The following MAPK10 variants were observed in gnomAD, a reference collection of about 807,000 sequenced individuals.
MAPK10 encodes JNK3 alpha protein kinase.
In MAPK10, 25 loss-of-function variants were observed where a neutral mutation model predicts 59.3. That is an observed-to-expected ratio of 0.42 (90% CI 0.31 to 0.59). MAPK10 has a LOEUF of 0.59. Ranked by LOEUF, MAPK10 falls within the 20% of genes least tolerant of loss-of-function variation. The probability of loss-of-function intolerance (pLI) is 0.15; values close to 1 mark genes in which losing one functional copy is unlikely to be tolerated. For synonymous variants in MAPK10, 190 were observed against 200.5 expected, an observed-to-expected ratio of 0.95 and a Z score of 0.44; for missense variants, 351 against 568.9, an observed-to-expected ratio of 0.62 and a Z score of 3.90.
intron 2 of MAPK10, among the ~76,000 whole-genome samples, chr4:86,225,694 A>G (rs1346487225): frequency 1.3e-5 from 2 of 152,208 alleles, no homozygotes; most frequent in Non-Finnish European, 2.9e-5. Flanking sequence ...TATATCACTT[A>G]TTGCTATTTT....
intron 1 of MAPK10, among the ~76,000 whole-genome samples, chr4:86,590,851 A>C (rs947347027): frequency 2.0e-5 from 3 of 152,162 alleles, no homozygotes; most frequent in African/African-American, 4.8e-5. Context: ...TTAAAAGATA[A>C]TTATACATTC....
chr4:86,039,253 C>T (rs1313856008), intron 11 of MAPK10, among the ~76,000 whole-genome samples: 1 of 152,084 alleles, frequency 6.6e-6, no homozygotes, highest in African/African-American at 2.4e-5. Context: ...GGGTATAGCA[C>T]GGAAACAAGA....
At chr4:86,543,675 A>G in intron 1 of MAPK10, among the ~76,000 whole-genome samples, 1 of 152,238 alleles carries the variant, frequency 6.6e-6, no homozygotes, top group East Asian at 1.9e-4. Flanking sequence ...TGAATGCAGA[A>G]AAGATACAAT....
intron 13 of MAPK10, 60 bp downstream of exon 13, chr4:86,029,137 C>A (rs759898434): frequency 4.7e-5 from 55 of 1,158,542 alleles, no homozygotes; most frequent in Admixed American, 3.4e-4. Flanking sequence ...GCAACCCCTA[C>A]ACAAAGGCCA....
Position 86,110,076 on chromosome 4 carries a change from GT to G in MAPK10, c.237-2725del, listed in dbSNP as rs552646091. Among the ~76,000 whole-genome samples, 111 of 151,784 alleles carry G rather than the reference GT, an allele frequency of 7.3e-4. 3 individuals are homozygous for G. Among genetic ancestry groups the G allele is most frequent in the Non-Finnish European group, 2.8e-4 (19 of 67,904 alleles). On this transcript the variant is annotated intron_variant, in intron 4 of 13. Transcript: ENST00000641462. ...CCTCTGCCCCCTTTATATGAGGTTG[GT>G]TTTTTTCTTGTAAATTTGTTTAAAT...
intron 2 of MAPK10, among the ~76,000 whole-genome samples, chr4:86,339,066 C>G (rs765559578): frequency 7.2e-5 from 11 of 152,126 alleles, no homozygotes; most frequent in Non-Finnish European, 1.2e-4. Context: ...AAAGCAGAAG[C>G]CCTTAGGAAT....
intron 1 of MAPK10, among the ~76,000 whole-genome samples, chr4:86,498,396 C>T (rs528564530): frequency 6.6e-6 from 1 of 152,226 alleles, no homozygotes; most frequent in East Asian, 1.9e-4. Context: ...TTTTATCTAA[C>T]TCTAGTTATA....
intron 1 of MAPK10, among the ~76,000 whole-genome samples, chr4:86,519,422 T>TAACAGAC (rs1756945898): frequency 1.3e-5 from 2 of 152,226 alleles, no homozygotes; most frequent in East Asian, 3.8e-4. Flanking sequence ...TAAGTCTGTT[T>TAACAGAC]TGTCTAATAA....
intron 1 of MAPK10, among the ~76,000 whole-genome samples, chr4:86,536,741 G>T (rs1758269347): frequency 6.6e-6 from 1 of 152,180 alleles, no homozygotes; most frequent in Non-Finnish European, 1.5e-5. Flanking sequence ...AGTAAATGAT[G>T]ATTTGATATA....
chr4:86,491,481 G>A (rs1257021106), intron 1 of MAPK10, among the ~76,000 whole-genome samples: 2 of 152,066 alleles, frequency 1.3e-5, no homozygotes, highest in African/African-American at 4.8e-5. Flanking sequence ...GCTCACCAGA[G>A]TTAAAAACTC....
At chr4:86,451,096 A>G (rs1283166165) in intron 1 of MAPK10, among the ~76,000 whole-genome samples, 1 of 152,166 alleles carries the variant, frequency 6.6e-6, no homozygotes, top group Non-Finnish European at 1.5e-5. Context: ...GGCTTAAAGG[A>G]ACTTCCCCCA....
At chr4:86,581,897 TA>T (rs1762305139) in intron 1 of MAPK10, among the ~76,000 whole-genome samples, 2 of 105,770 alleles carry the variant, frequency 1.9e-5, no homozygotes, top group East Asian at 5.6e-4. Flanking sequence ...AAGCTATATA[TA>T]TTATATATAT....
intron 9 of MAPK10, chr4:86,091,353 TAGAA>T (rs1458228355): frequency 6.6e-6 from 1 of 151,660 alleles, no homozygotes; most frequent in Non-Finnish European, 1.5e-5. Flanking sequence ...TGAAACCACT[TAGAA>T]AGGCATCCTA....
At chr4:86,184,614 G>T (rs115419463) in intron 3 of MAPK10, among the ~76,000 whole-genome samples, 12,890 of 152,134 alleles carry the variant, frequency 0.085, 1,213 homozygotes, top group African/African-American at 0.23. Flanking sequence ...TGGATCCCTT[G>T]TGGCTTGGTG....
chr4:86,093,895 T>C (rs2053709986), intron 9 of MAPK10, among the ~76,000 whole-genome samples: 1 of 151,840 alleles, frequency 6.6e-6, no homozygotes, highest in Non-Finnish European at 1.5e-5. Flanking sequence ...TAAATATTTA[T>C]TTATAATTAC....
chr4:86,297,396 G>C (rs1383212411), intron 2 of MAPK10, among the ~76,000 whole-genome samples: 2 of 152,074 alleles, frequency 1.3e-5, no homozygotes, highest in African/African-American at 4.8e-5. Context: ...TGCAACCCCT[G>C]CCTCCCGGAT....
intron 2 of MAPK10, among the ~76,000 whole-genome samples, chr4:86,315,916 TA>T (rs1279334276): frequency 3.9e-5 from 6 of 152,278 alleles, no homozygotes; most frequent in African/African-American, 1.4e-4. Flanking sequence ...AAATACAAAA[TA>T]AAGTATTACT....
At chr4:86,582,836 T>G (rs1284820191) in intron 1 of MAPK10, among the ~76,000 whole-genome samples, 1 of 152,210 alleles carries the variant, frequency 6.6e-6, no homozygotes, top group African/African-American at 2.4e-5. Flanking sequence ...TAATTTATAT[T>G]TTTATCTTAC....
chr4:86,456,578 A>C (rs1751247332), upstream of MAPK10, among the ~76,000 whole-genome samples: 1 of 152,152 alleles, frequency 6.6e-6, no homozygotes, highest in Non-Finnish European at 1.5e-5. Flanking sequence ...AAATTCCTAG[A>C]AAAAAACAAC....
Sources: gnomAD v4.1 joint callset for allele counts (sites outside exome capture counted in the v4.1 genomes callset) on GRCh38, gnomAD v4.1.1 for gene constraint, MANE v1.5 for transcripts, NCBI Gene and HGNC (gene_info 2026-07-23, HGNC 2026-07-21) for gene names.